Variants in AHCTF1 observed in about 807,000 individuals in gnomAD.
AHCTF1 encodes the protein AT-hook containing transcription factor 1.
AHCTF1 carries 24 observed loss-of-function variants against 248.4 expected under a neutral mutation model. That is an observed-to-expected ratio of 0.10 (90% CI 0.07 to 0.14). The LOEUF (loss-of-function observed/expected upper bound fraction) is 0.14, where lower values mean the gene tolerates loss of function less well. Among genes scored for constraint, AHCTF1 ranks in the 10% least tolerant of loss-of-function variants. The pLI is 1.00. For missense variants in AHCTF1, 2,206 were observed against 2,636.2 expected, an observed-to-expected ratio of 0.84 and a Z score of 3.57; for synonymous variants, 786 against 929.8, an observed-to-expected ratio of 0.85 and a Z score of 2.81.
In AHCTF1 at chr1:246,861,175, T is replaced by C. The variant is rs1661518383; in HGVS notation, c.3856A>G (p.Lys1286Glu). 1 of 1,613,680 alleles carries C rather than the reference T, an allele frequency of 6.2e-7. No homozygotes were observed. The highest frequency in any genetic ancestry group is 1.3e-5 in the African/African-American group (1 of 74,940). ...TTSFFLNSPE[K>E]EHQEMDEGSQ... ...CCCTCATCCATTTCTTGATGCTCCTTTTCAGGGCTGTTCAGGAAAAAAGAT... is the reference window on the plus strand; with the variant it reads ...CCCTCATCCATTTCTTGATGCTCCTCTTCAGGGCTGTTCAGGAAAAAAGAT... The change falls in exon 29 of 36, where the codon AAG becomes GAG. Residue 1286 changes from lysine (K) to glutamate (E), a missense_variant. Lys to Glu is a moderately conservative substitution (Grantham distance 56). Coordinates refer to ENST00000648844, the MANE Select transcript of AHCTF1 (RefSeq NM_001323342.2).
At chr1:246,876,792 T>C (rs1311967818) in intron 23 of AHCTF1, among the ~76,000 whole-genome samples, 158 bp downstream of exon 23, 2 of 152,220 alleles carry the variant, frequency 1.3e-5, no homozygotes, top group Admixed American at 1.3e-4. Context: ...TAATACCCTG[T>C]TCCCAATTCT....
chr1:246,859,005 G>T (rs1181490065), intron 29 of AHCTF1, among the ~76,000 whole-genome samples: 1 of 152,102 alleles, frequency 6.6e-6, no homozygotes, highest in Non-Finnish European at 1.5e-5. Context: ...GGCAAGAGAA[G>T]AGGTTGCAGG....
intron 3 of AHCTF1, among the ~76,000 whole-genome samples, chr1:246,913,800 C>T (rs1665966184): frequency 1.3e-5 from 2 of 152,192 alleles, no homozygotes; most frequent in African/African-American, 2.4e-5. Context: ...AAAATCATTA[C>T]GCATAAAACG....
chr1:246,860,517 A>G (rs771938324), intron 29 of AHCTF1, among the ~76,000 whole-genome samples: 1 of 152,200 alleles, frequency 6.6e-6, no homozygotes, highest in Non-Finnish European at 1.5e-5. Flanking sequence ...CATTATGTCT[A>G]GGAACTAGTA....
chr1:246,874,859 G>A (rs1018982316), intron 24 of AHCTF1, among the ~76,000 whole-genome samples: 3 of 152,150 alleles, frequency 2.0e-5, no homozygotes, highest in Admixed American at 1.3e-4. Context: ...CCTCAAGAAT[G>A]AGGAGTGACA....
At chr1:246,862,425 A>G (rs1421826793) in intron 27 of AHCTF1, among the ~76,000 whole-genome samples, 2 of 151,868 alleles carry the variant, frequency 1.3e-5, no homozygotes, top group Admixed American at 6.6e-5. Flanking sequence ...GCTTGCAGTG[A>G]GCCGAGATTG....
Position 246,916,406 on chromosome 1 carries a change from A to G in AHCTF1, c.122-11T>C, listed in dbSNP as rs1666148952. On this transcript the variant is annotated splice_polypyrimidine_tract_variant and intron_variant, in intron 2 of 35. Transcript: ENST00000648844. ...CAAGTCCATTTTTCCCTAGAAGAAA[A>G]AAAAATTGCCTATTTTAATATTGTA... is the stretch of plus-strand genomic sequence containing the variant. 3.1e-6 allele frequency: 5 copies of G among 1,600,712 alleles called. No homozygotes were observed. The highest frequency in any genetic ancestry group is 4.3e-6 in the Non-Finnish European group (5 of 1,175,412).
At chr1:246,857,910 CT>C in intron 29 of AHCTF1, 96 bp from the exon 30 acceptor site, 1 of 1,092,642 alleles carries the variant, frequency 9.2e-7, no homozygotes, top group Admixed American at 2.7e-5. Context: ...GTTGGGTCTG[CT>C]TTTTTGTTCT....
intron 21 of AHCTF1, among the ~76,000 whole-genome samples, chr1:246,880,934 G>A (rs1443100265): frequency 1.3e-5 from 2 of 152,134 alleles, no homozygotes; most frequent in Non-Finnish European, 1.5e-5. Flanking sequence ...AGACATAGAA[G>A]TCATTTTAAT....
At chr1:246,931,232 G>C (rs1558292459) in intron 1 of AHCTF1, 2 of 1,550,038 alleles carry the variant, frequency 1.3e-6, no homozygotes, top group Non-Finnish European at 1.7e-6. Context: ...TCCATCGCGT[G>C]GGAGAACAGT....
chr1:246,913,113 G>A, intron 4 of AHCTF1, 119 bp downstream of exon 4: 3 of 747,154 alleles, frequency 4.0e-6, no homozygotes, highest in Non-Finnish European at 6.0e-6. Context: ...TTTTTTTATA[G>A]ATAGGAAGAT....
rs1161046045 is a variant in AHCTF1 at position 246,842,920 on chromosome 1, T to C, written c.6526-144A>G. 3 of 656,862 alleles carry C rather than the reference T, an allele frequency of 4.6e-6. No individual in the cohort carries two copies. In the Admixed American group the frequency reaches 8.2e-5, roughly 18 times the overall value. The allele number at this position is 656,862 out of a possible 1,614,324, so 40.7% of individuals were successfully genotyped here. A position where few individuals can be genotyped will look rare whatever the true frequency, so the allele number is the denominator to read the frequency against. On this transcript the variant is annotated intron_variant, in intron 34 of 35. Transcript: ENST00000648844. ...AAATTGACTCCTTTTCTCATACCTTTTAGTAGAAACCTTAGTTATGCAGGC... is the reference window on the plus strand; with the variant it reads ...AAATTGACTCCTTTTCTCATACCTTCTAGTAGAAACCTTAGTTATGCAGGC...
Position 246,898,307 on chromosome 1 carries a change from T to C in AHCTF1, c.1524A>G (p.Pro508=), listed in dbSNP as rs1558258949. Residue 508 remains proline (P), a synonymous_variant, in exon 12 of 36, where the codon CCA becomes CCG. Transcript: ENST00000648844. ...CATCAGGAATGAGTTCATTGAGTGA[T>C]GGACCTGATTTCTTTAAAAAAGTCA... ...ETLTFLKKSG[P]SLNELIPDGY... is the part of the protein sequence containing the mutation. The C allele has an allele frequency of 2.5e-6, 4 of 1,613,462 alleles. No individual in the cohort carries two copies. Among genetic ancestry groups the C allele is most frequent in the Middle Eastern group, 1.8e-4 (1 of 5,634 alleles).
At chr1:246,859,544 T>C (rs1465003060) in intron 29 of AHCTF1, among the ~76,000 whole-genome samples, 2 of 152,178 alleles carry the variant, frequency 1.3e-5, no homozygotes, top group Admixed American at 1.3e-4. Flanking sequence ...CTTCAGGAAC[T>C]CAAAACATTT....
At chr1:246,890,171 C>A in intron 16 of AHCTF1, 112 bp from the exon 17 acceptor site, 1 of 701,320 alleles carries the variant, frequency 1.4e-6, no homozygotes, top group Non-Finnish European at 2.3e-6. Flanking sequence ...GGTTAACCCA[C>A]AGGGTGGGTA....
chr1:246,881,782 G>A (rs1166532182), intron 21 of AHCTF1, among the ~76,000 whole-genome samples: 2 of 146,166 alleles, frequency 1.4e-5, no homozygotes, highest in Admixed American at 6.9e-5. Context: ...AGGTTGCAGT[G>A]AGCCAAGATC....
At position 246,877,172 on chromosome 1, in the gene AHCTF1, T is replaced by C; in HGVS notation, c.2791A>G (p.Thr931Ala). 1.9e-6 allele frequency: 3 copies of C among 1,612,852 alleles called. No individual in the cohort carries two copies. Among genetic ancestry groups the C allele is most frequent in the Admixed American group, 1.7e-5 (1 of 59,840 alleles). The stretch of plus-strand genomic sequence containing the variant: ...TAAGTAATTACCTGCTCAGTGTCTG[T>C]AAATGGTAACTTCAGTAAATCTTCC... ...LMEDLLKLPF[T>A]DTEQECLVKF... Residue 931 changes from threonine to alanine, a missense_variant, in exon 22 of 36, where the codon ACA (threonine) becomes GCA (alanine). Thr to Ala is a moderately conservative substitution (Grantham distance 58). Transcript: ENST00000648844.
intron 12 of AHCTF1, among the ~76,000 whole-genome samples, chr1:246,896,889 C>G (rs979176434): frequency 2.6e-5 from 4 of 152,106 alleles, no homozygotes; most frequent in Non-Finnish European, 5.9e-5. Context: ...TCCACAAAAC[C>G]TAAGAAGGCA....
chr1:246,842,235 T>C (rs1340372166), intron 35 of AHCTF1, among the ~76,000 whole-genome samples: 1 of 152,078 alleles, frequency 6.6e-6, no homozygotes, highest in East Asian at 1.9e-4. Context: ...AATTTCCTTT[T>C]CGTAAAATTA....
Sources: gnomAD v4.1 joint callset for allele counts (sites outside exome capture counted in the v4.1 genomes callset) on GRCh38, gnomAD v4.1.1 for gene constraint, MANE v1.5 for transcripts, NCBI Gene and HGNC (gene_info 2026-07-23, HGNC 2026-07-21) for gene names.